Variants in FAT1 observed in about 807,000 individuals in gnomAD.
FAT1 encodes protocadherin Fat 1.
A neutral mutation model predicts 329.8 loss-of-function variants in FAT1; 171 were observed. That is an observed-to-expected ratio of 0.52 (90% CI 0.46 to 0.59). FAT1 has a LOEUF of 0.59. Ranked by LOEUF, FAT1 falls within the 20% of genes least tolerant of loss-of-function variation. The pLI is 0.00. For synonymous variants in FAT1, 2,233 were observed against 2,228.6 expected (o/e 1.00, Z -0.06); for missense variants, 5,672 against 5,774.4 (o/e 0.98, Z 0.57).
At chr4:186,721,983 C>A (rs963438004) in intron 1 of FAT1, among the ~76,000 whole-genome samples, 2 of 152,148 alleles carry the variant, frequency 1.3e-5, no homozygotes, top group South Asian at 4.1e-4. Context: ...GGATTACAGG[C>A]ATGCACCACC....
In FAT1 at chr4:186,596,885, T is replaced by C. The variant is rs745413276; in HGVS notation, c.12655A>G (p.Lys4219Glu). 8 of 1,614,036 alleles carry C rather than the reference T, an allele frequency of 5.0e-6. No homozygotes were observed. Among genetic ancestry groups the C allele is most frequent in the Middle Eastern group, 1.6e-4 (1 of 6,062 alleles). Reference sequence around the variant, plus strand: ...AAAGCCGTAGCGGGTCCCAGGTGCTTGTCTTTAGGTTCAGCCTGATGCTTC... The same window carrying C: ...AAAGCCGTAGCGGGTCCCAGGTGCTCGTCTTTAGGTTCAGCCTGATGCTTC... ...KKKHQAEPKDKHLGPATAFLQ... is the reference protein window; with the variant it reads ...KKKHQAEPKDEHLGPATAFLQ... The change falls in exon 25 of 27, where the codon AAG becomes GAG. Residue 4219 changes from lysine to glutamate, a missense_variant. Physicochemically the swap from Lys to Glu is moderately conservative, Grantham distance 56. This residue lies in a region of FAT1 where 1,706 missense variants were observed against 1,859.1 expected (regional missense o/e 0.92). Transcript: ENST00000441802. The surrounding 1 kb of genome is among the most constrained non-coding windows in gnomAD (Gnocchi z 4.7).
chr4:186,698,252 A>G (rs540139050), intron 2 of FAT1, among the ~76,000 whole-genome samples: 16 of 152,320 alleles, frequency 1.1e-4, no homozygotes, highest in African/African-American at 3.8e-4. Flanking sequence ...TGAGTCATAC[A>G]CTACAACAGA....
At chr4:186,664,170 G>A (rs1368555569) in intron 2 of FAT1, among the ~76,000 whole-genome samples, 1 of 152,046 alleles carries the variant, frequency 6.6e-6, no homozygotes, top group East Asian at 1.9e-4. Flanking sequence ...CCTCCAGAAA[G>A]CTCGGTCTGC....
At chr4:186,667,468 T>A (rs941809708) in intron 2 of FAT1, among the ~76,000 whole-genome samples, 1 of 152,254 alleles carries the variant, frequency 6.6e-6, no homozygotes, top group Non-Finnish European at 1.5e-5. Flanking sequence ...TTTCATGAAT[T>A]CATGACTGTG....
rs1401910282 is a variant in FAT1, at chr4:186,708,476, A to G, written c.1352T>C (p.Val451Ala). The change falls in exon 2 of 27, where the codon GTG becomes GCG. Residue 451 changes from valine (V) to alanine (A), a missense_variant. Around this residue, in one of 2 missense-constraint regions of FAT1, gnomAD observed 3,966 missense variants for 3,915.2 expected, o/e 1.01. Transcript: ENST00000441802. ...SDRKASTKVL[V>A]KVLGANSNPP... is the part of the protein sequence containing the mutation. ...ATTGCTATTTGCACCTAAGACTTTC[A>G]CCAAGACCTTGGTGGACGCTTTTCT... 1 of 1,613,958 alleles carries G rather than the reference A, an allele frequency of 6.2e-7. No homozygotes were observed. Among genetic ancestry groups the G allele is most frequent in the Non-Finnish European group, 8.5e-7 (1 of 1,179,876 alleles).
intron 2 of FAT1, among the ~76,000 whole-genome samples, chr4:186,702,381 G>A (rs78285367): frequency 0.024 from 3,626 of 152,142 alleles, 168 homozygotes; most frequent in African/African-American, 0.083. Context: ...TGAAAAACAC[G>A]GGCTCCCCAA....
chr4:186,614,066 G>A (rs953870365), intron 12 of FAT1, 125 bp downstream of exon 12: 3 of 732,970 alleles, frequency 4.1e-6, no homozygotes, highest in South Asian at 4.6e-5. Context: ...TGTCAACTTC[G>A]GAGCATCAGA....
chr4:186,642,544 T>C (rs1270484743), intron 3 of FAT1, among the ~76,000 whole-genome samples: 3 of 152,124 alleles, frequency 2.0e-5, no homozygotes, highest in Non-Finnish European at 1.5e-5. Context: ...AACCTGAAAA[T>C]GATACAAATC....
In FAT1 at chr4:186,707,220, T is replaced by C. The variant is rs376282160; in HGVS notation, c.2608A>G (p.Ile870Val). 138 of 1,613,926 alleles carry C rather than the reference T, an allele frequency of 8.6e-5. No individual in the cohort carries two copies. In the South Asian group the frequency reaches 1.2e-3, roughly 14 times the overall value. Residue 870 changes from isoleucine to valine, a missense_variant, in exon 2 of 27, where the codon ATT becomes GTT. Ile to Val is a conservative substitution (Grantham distance 29). Coordinates refer to ENST00000441802, the MANE Select transcript of FAT1 (RefSeq NM_005245.4). ...SIVTDTDTFS[I>V]DSVTGVVNIA... is the part of the protein sequence containing the mutation. ...TTAACAACACCCGTCACGCTGTCAA[T>C]TGAAAATGTGTCTGTGTCTGTAACA...
chr4:186,593,553 C>T (rs1313650493), intron 26 of FAT1, among the ~76,000 whole-genome samples: 1 of 152,120 alleles, frequency 6.6e-6, no homozygotes, highest in African/African-American at 2.4e-5. Flanking sequence ...TGGGTGGGCC[C>T]AGTGTAATCA....
At chr4:186,726,362 C>G (rs891326356), upstream of FAT1, 1 of 152,290 alleles carries the variant, frequency 6.6e-6, no homozygotes, top group African/African-American at 2.4e-5. Context: ...ACCAGTCTAG[C>G]CGAGTCCTCG....
rs1161140037 is a variant in FAT1 at position 186,663,574 on chromosome 4, G to T, written c.3305C>A (p.Thr1102Asn). 5 of 1,611,624 alleles carry T rather than the reference G, an allele frequency of 3.1e-6. No homozygotes were observed. Among genetic ancestry groups the T allele is most frequent in the African/African-American group, 1.3e-5 (1 of 75,042 alleles). The change falls in exon 3 of 27, where the codon ACC (threonine) becomes AAC (asparagine). Residue 1102 changes from threonine (T) to asparagine (N), a missense_variant. Transcript: ENST00000441802. ...AAAGACTGTTAGCCAATAATGGGAG[G>T]TCGATTCACGGTCCAGTCGATCTGA... is the stretch of plus-strand genomic sequence containing the variant. ...ETSDRLDRES[T>N]SHYWLTVFAT...
In FAT1 at chr4:186,604,447, G is replaced by A. The variant is rs200357548; in HGVS notation, c.10478C>T (p.Pro3493Leu). 625 of 1,613,724 alleles carry A rather than the reference G, an allele frequency of 3.9e-4. No individual in the cohort carries two copies. The highest frequency in any genetic ancestry group is 5.0e-4 in the Non-Finnish European group (590 of 1,179,852). ...GNDEKAFEVN[P>L]QGVLLTSSAI... ...AGATGATGTCAGGAGGACTCCTTGC[G>A]GGTTAACTTCAAAAGCCTTCTCATC... Residue 3493 changes from proline to leucine, a missense_variant, in exon 18 of 27, where the codon CCG becomes CTG. Physicochemically the swap from Pro to Leu is moderately conservative, Grantham distance 98 (BLOSUM62 -3). Around this residue, in one of 2 missense-constraint regions of FAT1, gnomAD observed 1,706 missense variants for 1,859.1 expected, o/e 0.92. Coordinates refer to ENST00000441802, the MANE Select transcript of FAT1 (RefSeq NM_005245.4).
intron 26 of FAT1, chr4:186,590,775 T>C (rs1738204243): frequency 4.8e-6 from 2 of 415,968 alleles, no homozygotes; most frequent in Admixed American, 5.4e-5. Context: ...TCAGATTACA[T>C]AGGTGATAAT....
Position 186,596,473 on chromosome 4 carries a change from G to T in FAT1, c.13000+67C>A, listed in dbSNP as rs2126385283. On this transcript the variant is annotated intron_variant, in intron 25 of 26. Transcript: ENST00000441802. This position sits in a 1 kb window ranked among gnomAD's most constrained non-coding sequence, Gnocchi z 4.7. Reference sequence around the variant, plus strand: ...ATGAAGAGTACACACATTTTGACTGGACAGAATTTGTAACCTCACTGTTTA... The same window carrying T: ...ATGAAGAGTACACACATTTTGACTGTACAGAATTTGTAACCTCACTGTTTA... 1 of 1,515,684 alleles carries T rather than the reference G, an allele frequency of 6.6e-7. No individual in the cohort carries two copies. The highest frequency in any genetic ancestry group is 8.9e-7 in the Non-Finnish European group (1 of 1,120,342). The allele number at this position is 1,515,684 out of a possible 1,614,324, so 93.9% of individuals were successfully genotyped here. A position where few individuals can be genotyped will look rare whatever the true frequency, so the allele number is the denominator to read the frequency against.
intron 3 of FAT1, among the ~76,000 whole-genome samples, chr4:186,641,981 T>C (rs1741118816): frequency 6.7e-6 from 1 of 149,482 alleles, no homozygotes; most frequent in African/African-American, 2.5e-5. Context: ...CACTCCAGCC[T>C]GGGCGACAGA....
chr4:186,684,667 A>C (rs1743380585), intron 2 of FAT1, among the ~76,000 whole-genome samples: 1 of 43,530 alleles, frequency 2.3e-5, no homozygotes, highest in Non-Finnish European at 4.9e-5. Context: ...GGGGGATAAG[A>C]GGGAAAAAAA....
chr4:186,669,078 T>C (rs771977549), intron 2 of FAT1, among the ~76,000 whole-genome samples: 97 of 152,208 alleles, frequency 6.4e-4, no homozygotes, highest in Non-Finnish European at 1.8e-4. Context: ...TGGGCACCTA[T>C]GTATATCCAC....
intron 2 of FAT1, among the ~76,000 whole-genome samples, chr4:186,687,198 CAGAA>C: frequency 6.6e-6 from 1 of 152,068 alleles, no homozygotes; most frequent in Non-Finnish European, 1.5e-5. Context: ...AACACACAAC[CAGAA>C]CCACAGCCAC....
Sources: allele counts gnomAD v4.1 joint callset (sites outside exome capture counted in the v4.1 genomes callset), GRCh38; gene constraint gnomAD v4.1.1; regional missense constraint gnomAD v4.1.1; non-coding constraint Gnocchi (gnomAD v3.1); transcripts MANE v1.5; gene names NCBI Gene and HGNC (gene_info 2026-07-23, HGNC 2026-07-21).